Variants in ATCAY observed in about 807,000 individuals in gnomAD.
ATCAY encodes caytaxin.
ATCAY carries 22 observed loss-of-function variants against 47.7 expected under a neutral mutation model. That is an observed-to-expected ratio of 0.46 (90% CI 0.33 to 0.66). The LOEUF (loss-of-function observed/expected upper bound fraction) is 0.66, where lower values mean the gene tolerates loss of function less well. Ranked by LOEUF, ATCAY falls within the 30% of genes least tolerant of loss-of-function variation. The pLI is 0.02. For synonymous variants in ATCAY, 216 were observed against 207.6 expected, an observed-to-expected ratio of 1.04 and a Z score of -0.35; for missense variants, 452 against 515.0, an observed-to-expected ratio of 0.88 and a Z score of 1.18.
In ATCAY at chr19:3,891,277, C is replaced by G. The variant is rs113818420; in HGVS notation, c.77+5433C>G. On this transcript the variant is annotated intron_variant, in intron 2 of 12. Transcript: ENST00000450849. ...ATGTTGGCCAGGCTGGTCTCGAACT[C>G]CTAACCTCAAGTGATTCGCCTGCCT... 8.3e-3 allele frequency among the ~76,000 whole-genome samples: 1,259 copies of G among 152,110 alleles called. 18 individuals are homozygous for G. The highest frequency in any genetic ancestry group is 0.029 in the African/African-American group (1,190 of 41,496).
chr19:3,917,636 GA>G (rs1015896907), intron 9 of ATCAY, 105 bp from the exon 10 acceptor site: 1 of 376,414 alleles, frequency 2.7e-6, no homozygotes. Flanking sequence ...AGAAAAGAAA[GA>G]AAAAAGAGAG....
intron 2 of ATCAY, among the ~76,000 whole-genome samples, chr19:3,891,810 C>T (rs1172766146): frequency 1.3e-5 from 2 of 152,086 alleles, no homozygotes; most frequent in Admixed American, 1.3e-4. Flanking sequence ...TACTCTCTTC[C>T]CCTCACAGCT....
At chr19:3,883,398 C>T (rs546431891) in intron 1 of ATCAY, among the ~76,000 whole-genome samples, 216 of 152,190 alleles carry the variant, frequency 1.4e-3, no homozygotes, top group African/African-American at 5.1e-3. Context: ...TGTTGAGAGA[C>T]AGACAGAGGT....
At chr19:3,902,336 T>C (rs1485084406) in intron 2 of ATCAY, 151 bp from the exon 3 acceptor site, 1 of 729,114 alleles carries the variant, frequency 1.4e-6, no homozygotes, top group Non-Finnish European at 2.4e-6. Flanking sequence ...AAAATGTATA[T>C]ATTTAGGTCC....
chr19:3,918,734 T>A, intron 10 of ATCAY, 72 bp from the exon 11 acceptor site: 1 of 1,538,820 alleles, frequency 6.5e-7, no homozygotes, highest in Non-Finnish European at 9.0e-7. Flanking sequence ...GAGAGGCCAG[T>A]ACTAGCTGAG....
At chr19:3,908,436 C>A in intron 6 of ATCAY, 66 bp downstream of exon 6, 1 of 1,391,004 alleles carries the variant, frequency 7.2e-7, no homozygotes, top group Non-Finnish European at 1.0e-6. Flanking sequence ...ACAGGGGCAC[C>A]AGGCTGCAAG....
intron 3 of ATCAY, 140 bp from the exon 4 acceptor site, chr19:3,905,294 C>A: frequency 1.2e-6 from 1 of 812,452 alleles, no homozygotes; most frequent in Non-Finnish European, 1.9e-6. Flanking sequence ...CCCACCCCCG[C>A]CAATGGCATG....
At chr19:3,912,321 T>TC (rs1200060984) in intron 8 of ATCAY, among the ~76,000 whole-genome samples, 1 of 151,650 alleles carries the variant, frequency 6.6e-6, no homozygotes, top group East Asian at 2.0e-4. Context: ...AAAAAAAATT[T>TC]TTTTTTTTTT....
Position 3,905,593 on chromosome 19 carries a change from A to G in ATCAY, c.296A>G (p.Glu99Gly), listed in dbSNP as rs1033516323. ...DDLDINVDDI[E>G]TPDETDSLEF... ...CTGGATATTAACGTGGATGACATCG[A>G]GACCCCCGATGAGACCGACTCGCTG... The change falls in exon 4 of 13, where the codon GAG becomes GGG. Residue 99 changes from glutamate to glycine, a missense_variant. Glu to Gly is a moderately conservative substitution (Grantham distance 98). Coordinates refer to ENST00000450849, the MANE Select transcript of ATCAY (RefSeq NM_033064.5). 1.2e-6 allele frequency: 2 copies of G among 1,613,784 alleles called. No individual in the cohort carries two copies. The highest frequency in any genetic ancestry group is 1.3e-5 in the African/African-American group (1 of 74,988).
rs770028979 is a variant in ATCAY, at chr19:3,905,635, G to A, written c.338G>A (p.Gly113Asp). ...ETDSLEFLGN[G>D]NELEWEDDTP... ...GACTCGCTGGAGTTCCTGGGGAATG[G>A]CAACGAACTGGAGTGGGAAGGTAAA... Residue 113 changes from glycine to aspartate, a missense_variant, in exon 4 of 13, where the codon GGC becomes GAC. Physicochemically the swap from Gly to Asp is moderately conservative, Grantham distance 94. Coordinates refer to ENST00000450849, the MANE Select transcript of ATCAY (RefSeq NM_033064.5). 1.2e-6 allele frequency: 2 copies of A among 1,613,538 alleles called. No individual in the cohort carries two copies. The highest frequency in any genetic ancestry group is 1.7e-6 in the Non-Finnish European group (2 of 1,179,770).
intron 4 of ATCAY, among the ~76,000 whole-genome samples, chr19:3,906,196 G>GAA (rs71166936): frequency 6.6e-6 from 1 of 150,652 alleles, no homozygotes; most frequent in Non-Finnish European, 1.5e-5. Flanking sequence ...GAGAGAGAGA[G>GAA]GTTGGTGAAT....
intron 2 of ATCAY, among the ~76,000 whole-genome samples, chr19:3,898,399 G>C (rs1220914450): frequency 6.6e-6 from 1 of 152,260 alleles, no homozygotes; most frequent in East Asian, 1.9e-4. Flanking sequence ...TGCCCCGACT[G>C]GTCTTGAACT....
At chr19:3,919,369 C>A (rs1599148311) in intron 11 of ATCAY, among the ~76,000 whole-genome samples, 1 of 147,416 alleles carries the variant, frequency 6.8e-6, no homozygotes, top group African/African-American at 2.5e-5. Context: ...TGAGGTGGGC[C>A]GATCACAAGG....
intron 3 of ATCAY, among the ~76,000 whole-genome samples, 195 bp downstream of exon 3, chr19:3,902,740 G>T (rs889299271): frequency 1.3e-5 from 2 of 152,140 alleles, no homozygotes; most frequent in African/African-American, 4.8e-5. Context: ...AAGCCAGCAC[G>T]CTGTGTTGCT....
At position 3,907,859 on chromosome 19, in the gene ATCAY, C is replaced by T; in HGVS notation, c.484C>T (p.Gln162Ter). Reference protein sequence around the residue: ...RLWRTVIIGEQEHRIDLHMIR... With the variant: ...RLWRTVIIGE ...GTGGCGGACAGTGATCATCGGGGAG[C>T]AAGAGCACCGTATAGACCTGCACAT... The change falls in exon 5 of 13, where the codon CAA (glutamine) becomes TAA (stop). Residue 162 changes from glutamine (Q) to a stop codon, truncating the protein, a stop_gained. Coordinates refer to ENST00000450849, the MANE Select transcript of ATCAY (RefSeq NM_033064.5). LOFTEE classifies it high-confidence loss of function. The surrounding 1 kb of genome is among the most constrained non-coding windows in gnomAD (Gnocchi z 5.1). 6.2e-7 allele frequency: 1 copy of T among 1,613,968 alleles called. No individual in the cohort carries two copies. Among genetic ancestry groups the T allele is most frequent in the Non-Finnish European group, 8.5e-7 (1 of 1,179,854 alleles).
chr19:3,912,717 CAA>C (rs1038133673), intron 8 of ATCAY, among the ~76,000 whole-genome samples: 9 of 150,790 alleles, frequency 6.0e-5, no homozygotes, highest in Admixed American at 5.3e-4. Context: ...TCCATCTCTA[CAA>C]AAAAAAATTT....
intron 2 of ATCAY, among the ~76,000 whole-genome samples, chr19:3,892,759 T>A (rs1456927879): frequency 6.6e-6 from 1 of 151,710 alleles, no homozygotes; most frequent in Admixed American, 6.6e-5. Context: ...AATACAAAAA[T>A]CAACTGGGTG....
At chr19:3,901,972 C>CT (rs1461674453) in intron 2 of ATCAY, among the ~76,000 whole-genome samples, 17 of 151,956 alleles carry the variant, frequency 1.1e-4, no homozygotes, top group Admixed American at 9.8e-4. Flanking sequence ...CTCCATCCAG[C>CT]CTGGGCGACA....
Position 3,907,956 on chromosome 19 carries a change from G to A in ATCAY, c.544+37G>A. Reference sequence around the variant, plus strand: ...CCCCCGGTGCCCCCTTGGGGCTCCAGCCCGGCCCACTGGGCAACAGGGGGT... The same window carrying A: ...CCCCCGGTGCCCCCTTGGGGCTCCAACCCGGCCCACTGGGCAACAGGGGGT... On this transcript the variant is annotated intron_variant, in intron 5 of 12. Coordinates refer to ENST00000450849, the MANE Select transcript of ATCAY (RefSeq NM_033064.5). This position sits in a 1 kb window ranked among gnomAD's most constrained non-coding sequence, Gnocchi z 5.1. 4 of 1,596,516 alleles carry A rather than the reference G, an allele frequency of 2.5e-6. No homozygotes were observed. Among genetic ancestry groups the A allele is most frequent in the Non-Finnish European group, 3.4e-6 (4 of 1,171,518 alleles).
Sources: allele counts gnomAD v4.1 joint callset (sites outside exome capture counted in the v4.1 genomes callset), GRCh38; gene constraint gnomAD v4.1.1; non-coding constraint Gnocchi (gnomAD v3.1); transcripts MANE v1.5; gene names NCBI Gene and HGNC (gene_info 2026-07-23, HGNC 2026-07-21).